The following NCS1 variants were observed in gnomAD, a reference collection of about 807,000 sequenced individuals.
NCS1 encodes the protein frequenin homolog.
NCS1 carries 6 observed loss-of-function variants against 28.4 expected under a neutral mutation model. The observed-to-expected ratio is 0.21, with a 90% confidence interval of 0.12 to 0.42. NCS1 has a LOEUF of 0.42. Ranked by LOEUF, NCS1 falls within the 10% of genes least tolerant of loss-of-function variation. The probability of loss-of-function intolerance (pLI) is 1.00; values close to 1 mark genes in which losing one functional copy is unlikely to be tolerated. For synonymous variants in NCS1, 86 were observed against 99.3 expected (o/e 0.87, Z 0.79); for missense variants, 131 against 241.4 (o/e 0.54, Z 3.03).
chr9:130,214,544 G>C (rs549723455), intron 2 of NCS1, among the ~76,000 whole-genome samples: 2 of 152,194 alleles, frequency 1.3e-5, no homozygotes, highest in African/African-American at 2.4e-5. Flanking sequence ...TGCTGGAGGC[G>C]GGACGAGGAC....
chr9:130,229,544 C>T (rs949614848), intron 7 of NCS1, among the ~76,000 whole-genome samples: 6 of 152,140 alleles, frequency 3.9e-5, no homozygotes, highest in Non-Finnish European at 7.4e-5. Flanking sequence ...TGGGCCATCG[C>T]GCCTGGCCAA....
chr9:130,201,472 G>T (rs972038338), intron 2 of NCS1, among the ~76,000 whole-genome samples: 1 of 152,136 alleles, frequency 6.6e-6, no homozygotes, highest in South Asian at 2.1e-4. Context: ...GAGGCCGTAC[G>T]TCATGGAGCA....
At chr9:130,185,691 C>G (rs1331516661) in intron 1 of NCS1, among the ~76,000 whole-genome samples, 1 of 152,244 alleles carries the variant, frequency 6.6e-6, no homozygotes, top group African/African-American at 2.4e-5. Context: ...GGGGAAACAG[C>G]GAATGCTTTC....
Position 130,219,653 on chromosome 9 carries a change from C to A in NCS1, c.229-72C>A. ...CTGGAGCCTGCGACTGCCCCTCGCC[C>A]GTCCCGAGGTTCAGCCTGACCCGGT... On this transcript the variant is annotated intron_variant, in intron 3 of 7. Coordinates refer to ENST00000372398, the MANE Select transcript of NCS1 (RefSeq NM_014286.4). The surrounding 1 kb of genome is among the most constrained non-coding windows in gnomAD (Gnocchi z 5.7). 7.0e-7 allele frequency: 1 copy of A among 1,436,612 alleles called. No individual in the cohort carries two copies. The highest frequency in any genetic ancestry group is 1.2e-5 in the South Asian group (1 of 86,276). 89.0% of individuals were successfully genotyped at this position (1,436,612 alleles called of 1,614,324 possible).
intron 5 of NCS1, 57 bp from the exon 6 acceptor site, chr9:130,223,025 C>A: frequency 6.0e-6 from 9 of 1,492,014 alleles, no homozygotes; most frequent in Non-Finnish European, 8.4e-6. Context: ...AAATGCGTGG[C>A]CAAGAGCCCA....
chr9:130,223,260 C>T, intron 6 of NCS1, 101 bp downstream of exon 6: 1 of 1,084,022 alleles, frequency 9.2e-7, no homozygotes, highest in South Asian at 1.4e-5. Flanking sequence ...CTGCCAACCT[C>T]CTCCATGGCT....
At chr9:130,231,896 G>A (rs1474417303) in intron 7 of NCS1, among the ~76,000 whole-genome samples, 1 of 151,452 alleles carries the variant, frequency 6.6e-6, no homozygotes, top group Non-Finnish European at 1.5e-5. Context: ...AAAAAAGGTA[G>A]CCATCCTAGT....
intron 2 of NCS1, among the ~76,000 whole-genome samples, chr9:130,207,609 G>A (rs929099751): frequency 1.1e-4 from 17 of 152,374 alleles, no homozygotes; most frequent in Admixed American, 2.0e-4. Context: ...AAGTGATTCT[G>A]TGATTTGTCC....
In NCS1 at chr9:130,222,683, G is replaced by A. The variant is rs782807228; in HGVS notation, c.341G>A (p.Gly114Asp). The change falls in exon 5 of 8, where the codon GGC (glycine) becomes GAC (aspartate). Residue 114 changes from glycine (G) to aspartate (D), a missense_variant. Around this residue, in one of 2 missense-constraint regions of NCS1, gnomAD observed 100 missense variants for 210.3 expected, o/e 0.48. Coordinates refer to ENST00000372398, the MANE Select transcript of NCS1 (RefSeq NM_014286.4). ...AFKLYDLDND[G>D]YITRNEMLDI... ...AAGCTCTACGACTTGGACAATGATG[G>A]CTACATCACCAGGAATGAGATGCTG... 1 of 1,614,040 alleles carries A rather than the reference G, an allele frequency of 6.2e-7. No homozygotes were observed. The highest frequency in any genetic ancestry group is 1.7e-5 in the Admixed American group (1 of 59,996).
At chr9:130,224,444 GCTA>G (rs1161568813) in intron 6 of NCS1, among the ~76,000 whole-genome samples, 2 of 149,318 alleles carry the variant, frequency 1.3e-5, no homozygotes, top group Non-Finnish European at 3.0e-5. Flanking sequence ...TGTAATCCCA[GCTA>G]CTCGGGAGGC....
chr9:130,199,771 A>G (rs1037076455), intron 1 of NCS1, among the ~76,000 whole-genome samples: 4 of 152,200 alleles, frequency 2.6e-5, no homozygotes, highest in Non-Finnish European at 5.9e-5. Flanking sequence ...GGCTTCCTCA[A>G]GTCTGGTCAG....
chr9:130,231,260 G>T (rs1171622321), intron 7 of NCS1, among the ~76,000 whole-genome samples: 1 of 152,074 alleles, frequency 6.6e-6, no homozygotes, highest in Non-Finnish European at 1.5e-5. Context: ...GCTGAGGCAG[G>T]AGGATTGCTT....
intron 1 of NCS1, among the ~76,000 whole-genome samples, chr9:130,183,253 C>T (rs982008530): frequency 6.6e-6 from 1 of 152,208 alleles, no homozygotes; most frequent in Non-Finnish European, 1.5e-5. Context: ...GTTCCACTCT[C>T]TGTGAGATGC....
intron 1 of NCS1, among the ~76,000 whole-genome samples, chr9:130,200,193 G>T (rs185981384): frequency 6.6e-6 from 1 of 152,364 alleles, no homozygotes; most frequent in African/African-American, 2.4e-5. Flanking sequence ...CACAGGCAGG[G>T]AGCAAGGGTG....
chr9:130,226,114 G>A lies in NCS1; in HGVS notation c.475-275G>A, dbSNP rs1354900413. Among the ~76,000 whole-genome samples, 1 of 152,224 alleles carries A rather than the reference G, an allele frequency of 6.6e-6. No individual in the cohort carries two copies. The highest frequency in any genetic ancestry group is 1.5e-5 in the Non-Finnish European group (1 of 68,044). ...TTACAGGGCACTTCCAGTTGGTCAA[G>A]CACAGAGCTGTCACCCGAGTGCCTG... On this transcript the variant is annotated intron_variant, in intron 6 of 7. Transcript: ENST00000372398. The surrounding 1 kb of genome is among the most constrained non-coding windows in gnomAD (Gnocchi z 4.8).
At chr9:130,185,028 A>G (rs1554905494) in intron 1 of NCS1, among the ~76,000 whole-genome samples, 2 of 150,032 alleles carry the variant, frequency 1.3e-5, no homozygotes, top group African/African-American at 2.4e-5. Flanking sequence ...CGGCCATCCC[A>G]GAGGCAGGCA....
chr9:130,231,114 G>A (rs1833495589), intron 7 of NCS1, among the ~76,000 whole-genome samples: 1 of 152,176 alleles, frequency 6.6e-6, no homozygotes, highest in South Asian at 2.1e-4. Context: ...ACTTTGGGAG[G>A]TCGAGCTGTG....
At chr9:130,231,043 G>C (rs1833494878) in intron 7 of NCS1, among the ~76,000 whole-genome samples, 1 of 151,786 alleles carries the variant, frequency 6.6e-6, no homozygotes, top group South Asian at 2.1e-4. Context: ...ATTGTAATAG[G>C]TTGATAGGTC....
At chr9:130,214,284 G>A (rs1833154951) in intron 2 of NCS1, among the ~76,000 whole-genome samples, 1 of 152,196 alleles carries the variant, frequency 6.6e-6, no homozygotes, top group Admixed American at 6.5e-5. Context: ...GGGGCCTGGC[G>A]GGAGAGTGGG....
Sources: gnomAD v4.1 joint callset for allele counts (sites outside exome capture counted in the v4.1 genomes callset) on GRCh38, gnomAD v4.1.1 for gene constraint, gnomAD v4.1.1 regional missense constraint, Gnocchi (gnomAD v3.1) non-coding constraint, MANE v1.5 for transcripts, NCBI Gene and HGNC (gene_info 2026-07-23, HGNC 2026-07-21) for gene names.